SVEP1: variants seen among roughly 807,000 people sequenced by gnomAD.
SVEP1 encodes the protein sushi, von Willebrand factor type A, EGF and pentraxin domain containing 1, also known as sushi, von Willebrand factor type A, EGF and pentraxin domain-containing protein 1.
In SVEP1, 164 loss-of-function variants were observed where a neutral mutation model predicts 367.3. The ratio of observed to expected loss-of-function variants is 0.45; its 90% CI spans 0.39 to 0.51. The LOEUF (loss-of-function observed/expected upper bound fraction) is 0.51. Ranked by LOEUF, SVEP1 falls within the 20% of genes least tolerant of loss-of-function variation. The pLI is 0.00. For missense variants in SVEP1, 4,117 were observed against 4,425.3 expected, an observed-to-expected ratio of 0.93 and a Z score of 1.98; for synonymous variants, 1,666 against 1,611.6, an observed-to-expected ratio of 1.03 and a Z score of -0.81.
At chr9:110,436,691 T>C (rs910525977) in intron 27 of SVEP1, among the ~76,000 whole-genome samples, 187 bp from the exon 28 acceptor site, 1 of 152,200 alleles carries the variant, frequency 6.6e-6, no homozygotes, top group African/African-American at 2.4e-5. Flanking sequence ...TATAGCAACT[T>C]AAAAATAGAC....
chr9:110,439,982 G>A (rs551848493), intron 27 of SVEP1, among the ~76,000 whole-genome samples: 15 of 151,938 alleles, frequency 9.9e-5, no homozygotes, highest in Admixed American at 3.9e-4. Flanking sequence ...ATAAATATAC[G>A]TTCATTATGA....
rs11428970 is a variant in SVEP1, at chr9:110,374,959, G to GTT, written c.10600+407_10600+408dup. On this transcript the variant is annotated intron_variant, in intron 46 of 47. Coordinates refer to ENST00000374469, the MANE Select transcript of SVEP1 (RefSeq NM_153366.4). ...TCATCAATGGTAGACTGGATAAAGT[G>GTT]TTTTTTTTTTCATTTTAACTTAAAT... Among the ~76,000 whole-genome samples the GTT allele has an allele frequency of 2.5e-3, 367 of 149,778 alleles. 1 individual carries two copies. The highest frequency in any genetic ancestry group is 0.021 in the Middle Eastern group (6 of 290).
intron 36 of SVEP1, among the ~76,000 whole-genome samples, chr9:110,412,144 G>C (rs920597185): frequency 2.0e-5 from 3 of 152,106 alleles, no homozygotes; most frequent in African/African-American, 7.2e-5. Context: ...ATAAAATCAA[G>C]GAGTAAGCTG....
chr9:110,574,675 G>C (rs917756177), intron 1 of SVEP1, among the ~76,000 whole-genome samples: 3 of 151,806 alleles, frequency 2.0e-5, no homozygotes, highest in African/African-American at 4.8e-5. Flanking sequence ...CTCATCAGAG[G>C]CTTGGAAAAG....
intron 36 of SVEP1, among the ~76,000 whole-genome samples, chr9:110,412,847 T>C (rs1828063801): frequency 6.6e-6 from 1 of 152,128 alleles, no homozygotes; most frequent in African/African-American, 2.4e-5. Flanking sequence ...TGAGATACCA[T>C]CTCACGGCAG....
At chr9:110,403,477 G>A (rs934245038) in intron 39 of SVEP1, among the ~76,000 whole-genome samples, 3 of 151,480 alleles carry the variant, frequency 2.0e-5, no homozygotes, top group Admixed American at 1.3e-4. Context: ...GCTAATTTTT[G>A]TATTTTTAGT....
chr9:110,428,667 T>C (rs985260986), intron 35 of SVEP1, among the ~76,000 whole-genome samples: 4 of 152,232 alleles, frequency 2.6e-5, no homozygotes, highest in Admixed American at 6.5e-5. Context: ...AATATTTTCT[T>C]GGGCATTTAC....
intron 16 of SVEP1, 96 bp from the exon 17 acceptor site, chr9:110,469,197 T>G: frequency 1.5e-6 from 2 of 1,293,764 alleles, no homozygotes; most frequent in East Asian, 4.7e-5. Context: ...AAAGCATGCT[T>G]GAAGGTGCTA....
rs767809772 is a variant in SVEP1, at chr9:110,432,572, G to A, written c.5123C>T (p.Ala1708Val). The change falls in exon 31 of 48, where the codon GCT (alanine) becomes GTT (valine). Residue 1708 changes from alanine (A) to valine (V), a missense_variant. Ala to Val is a moderately conservative substitution (Grantham distance 64). This residue lies in a region of SVEP1 where 2,174 missense variants were observed against 2,494.3 expected (regional missense o/e 0.87). Transcript: ENST00000374469. ...NGFHSADDFY[A>V]GSTVTYQCNN... ...GCACTGGTAGGTTACTGTGCTGCCAGCATAGAAGTCATCGGCTGAATGGAA... is the reference window on the plus strand; with the variant it reads ...GCACTGGTAGGTTACTGTGCTGCCAACATAGAAGTCATCGGCTGAATGGAA... 6.2e-7 allele frequency: 1 copy of A among 1,613,900 alleles called. No individual in the cohort carries two copies. Among genetic ancestry groups the A allele is most frequent in the South Asian group, 1.1e-5 (1 of 91,076 alleles).
At position 110,541,135 on chromosome 9, in the gene SVEP1, C is replaced by T. The variant is rs552679318; in HGVS notation, c.964+4980G>A. Among the ~76,000 whole-genome samples, 7 of 152,184 alleles carry T rather than the reference C, an allele frequency of 4.6e-5. No homozygotes were observed. In the East Asian group the frequency reaches 5.8e-4, roughly 13 times the overall value. ...GGATGGGATTTCCTCATCTTCCGAA[C>T]GAATGATGAGGAAAAACCCTTATGG... On this transcript the variant is annotated intron_variant, in intron 3 of 47. Transcript: ENST00000374469.
chr9:110,549,734 T>C, intron 2 of SVEP1, 115 bp downstream of exon 2: 2 of 1,345,534 alleles, frequency 1.5e-6, no homozygotes, highest in Non-Finnish European at 2.0e-6. Flanking sequence ...ATGGGCATCA[T>C]ATTCAGCAAA....
At chr9:110,573,375 T>A (rs1203830730) in intron 1 of SVEP1, among the ~76,000 whole-genome samples, 12 of 148,412 alleles carry the variant, frequency 8.1e-5, no homozygotes, top group Non-Finnish European at 1.8e-4. Flanking sequence ...AGAAGATTAC[T>A]CTCCAGGTAA....
At chr9:110,477,049 T>C (rs1054786657) in intron 13 of SVEP1, among the ~76,000 whole-genome samples, 1 of 152,198 alleles carries the variant, frequency 6.6e-6, no homozygotes, top group African/African-American at 2.4e-5. Context: ...TGGTGATTTC[T>C]ATAGTCACCT....
chr9:110,425,125 A>G (rs1443985034), intron 36 of SVEP1, among the ~76,000 whole-genome samples: 1 of 152,182 alleles, frequency 6.6e-6, no homozygotes, highest in Non-Finnish European at 1.5e-5. Flanking sequence ...TTTTCTTCTC[A>G]TCAAGAGTTT....
chr9:110,517,822 A>T (rs892840547), intron 3 of SVEP1, among the ~76,000 whole-genome samples: 2 of 151,472 alleles, frequency 1.3e-5, no homozygotes, highest in Non-Finnish European at 2.9e-5. Flanking sequence ...AGATTTCAAG[A>T]ACGAGAAAAA....
intron 1 of SVEP1, among the ~76,000 whole-genome samples, chr9:110,572,946 T>C (rs1830583875): frequency 6.6e-6 from 1 of 152,106 alleles, no homozygotes; most frequent in African/African-American, 2.4e-5. Flanking sequence ...TCTAAAGTTC[T>C]GATAAGGTTG....
chr9:110,392,580 T>A (rs1414680947), intron 40 of SVEP1, among the ~76,000 whole-genome samples: 5 of 152,136 alleles, frequency 3.3e-5, no homozygotes, highest in African/African-American at 1.2e-4. Flanking sequence ...ATTCTGCTAT[T>A]TAAATTCTAT....
Position 110,406,148 on chromosome 9 carries a change from C to A in SVEP1, c.9440+12G>T, listed in dbSNP as rs763953425. The A allele has an allele frequency of 6.5e-7, 1 of 1,545,184 alleles. No individual in the cohort carries two copies. Among genetic ancestry groups the A allele is most frequent in the African/African-American group, 1.4e-5 (1 of 72,738 alleles). On this transcript the variant is annotated intron_variant, in intron 38 of 47. Transcript: ENST00000374469. ...CCCGCACCCCTTGGAGACCCTAGAG[C>A]CATGATCTTACCTGAGTTTCACTTC...
intron 13 of SVEP1, among the ~76,000 whole-genome samples, chr9:110,477,195 C>T (rs530074091): frequency 6.6e-6 from 1 of 152,336 alleles, no homozygotes; most frequent in East Asian, 1.9e-4. Context: ...TTCTCCTCTT[C>T]TCAGGAATCC....
Sources: gnomAD v4.1 joint callset for allele counts (sites outside exome capture counted in the v4.1 genomes callset) on GRCh38, gnomAD v4.1.1 for gene constraint, gnomAD v4.1.1 regional missense constraint, MANE v1.5 for transcripts, NCBI Gene and HGNC (gene_info 2026-07-23, HGNC 2026-07-21) for gene names.